SDC2: variants seen among roughly 807,000 people sequenced by gnomAD.
SDC2 encodes the protein syndecan-2.
A neutral mutation model predicts 22.2 loss-of-function variants in SDC2; 13 were observed. The observed-to-expected ratio is 0.59, with a 90% CI of 0.38 to 0.93. The LOEUF (loss-of-function observed/expected upper bound fraction) is 0.93, where lower values mean the gene tolerates loss of function less well. Among genes scored for constraint, SDC2 ranks in the 40% least tolerant of loss-of-function variants. The probability of loss-of-function intolerance (pLI) is 0.00; values close to 1 mark genes in which losing one functional copy is unlikely to be tolerated. For missense variants in SDC2, 235 were observed against 246.8 expected, an observed-to-expected ratio of 0.95 and a Z score of 0.32; for synonymous variants, 94 against 92.8, an observed-to-expected ratio of 1.01 and a Z score of -0.07.
chr8:96,550,084 A>G (rs1193117382), intron 1 of SDC2, among the ~76,000 whole-genome samples: 1 of 152,202 alleles, frequency 6.6e-6, no homozygotes, highest in Non-Finnish European at 1.5e-5. Context: ...TGGGAGCTCA[A>G]AATTTTTTCA....
At chr8:96,596,282 A>G (rs530018901) in intron 2 of SDC2, among the ~76,000 whole-genome samples, 2 of 152,220 alleles carry the variant, frequency 1.3e-5, no homozygotes, top group East Asian at 3.9e-4. Flanking sequence ...TTCTAGAATT[A>G]CCCAGTTCCA....
At position 96,609,365 on chromosome 8, in the gene SDC2, C is replaced by A. The variant is rs769819690; in HGVS notation, c.443-20C>A. On this transcript the variant is annotated intron_variant, in intron 4 of 4. Transcript: ENST00000302190. ...ACCCTTGAATCTCTTCTAAAGTAATCTTCCTTTTGGTTGTTTCAGCTGTCA... is the reference window on the plus strand; with the variant it reads ...ACCCTTGAATCTCTTCTAAAGTAATATTCCTTTTGGTTGTTTCAGCTGTCA... 8.1e-6 allele frequency: 13 copies of A among 1,599,644 alleles called. No homozygotes were observed. Among genetic ancestry groups the A allele is most frequent in the Non-Finnish European group, 1.1e-5 (13 of 1,172,466 alleles).
At chr8:96,596,973 C>T (rs547972714) in intron 2 of SDC2, among the ~76,000 whole-genome samples, 65 of 152,184 alleles carry the variant, frequency 4.3e-4, no homozygotes, top group African/African-American at 1.5e-3. Context: ...ATGTTAAACT[C>T]AGGATGATTG....
At chr8:96,536,243 G>A (rs980098701) in intron 1 of SDC2, among the ~76,000 whole-genome samples, 1 of 152,080 alleles carries the variant, frequency 6.6e-6, no homozygotes, top group Non-Finnish European at 1.5e-5. Flanking sequence ...AAGGGAGGCA[G>A]TGACGTGGGT....
At chr8:96,558,706 G>A (rs535658745) in intron 1 of SDC2, among the ~76,000 whole-genome samples, 1 of 152,238 alleles carries the variant, frequency 6.6e-6, no homozygotes, top group South Asian at 2.1e-4. Flanking sequence ...GCCCCAAAGA[G>A]GGGAATATAA....
chr8:96,573,144 T>C (rs1204052546), intron 1 of SDC2, among the ~76,000 whole-genome samples: 33 of 152,180 alleles, frequency 2.2e-4, no homozygotes, highest in Non-Finnish European at 7.3e-5. Flanking sequence ...ACAGTTTACA[T>C]GAACTATTTC....
At chr8:96,524,629 A>G (rs1385310517) in intron 1 of SDC2, among the ~76,000 whole-genome samples, 1 of 151,906 alleles carries the variant, frequency 6.6e-6, no homozygotes, top group Non-Finnish European at 1.5e-5. Flanking sequence ...TAGCTCCCCC[A>G]CTGCTACCTG....
chr8:96,528,406 G>A (rs1395283850), intron 1 of SDC2, among the ~76,000 whole-genome samples: 4 of 151,904 alleles, frequency 2.6e-5, no homozygotes, highest in Non-Finnish European at 5.9e-5. Flanking sequence ...AAAAACACAC[G>A]GTATTCATTG....
rs141036666 is a variant in SDC2 at position 96,530,361 on chromosome 8, C to T, written c.60+36030C>T. 3.2e-3 allele frequency among the ~76,000 whole-genome samples: 488 copies of T among 152,306 alleles called. 3 individuals carry two copies. Among genetic ancestry groups the T allele is most frequent in the African/African-American group, 0.011 (454 of 41,576 alleles). On this transcript the variant is annotated intron_variant, in intron 1 of 4. Transcript: ENST00000302190. ...TATTAAAATGGTGCTAGGCTGGGCG[C>T]GGTGGCTCACGCCTGTAATCCCAGC...
intron 1 of SDC2, among the ~76,000 whole-genome samples, chr8:96,564,927 A>C (rs1052120723): frequency 1.3e-5 from 2 of 151,910 alleles, no homozygotes; most frequent in African/African-American, 4.8e-5. Flanking sequence ...TACATTCTTC[A>C]CTTTGCTTCA....
At chr8:96,580,415 T>G in intron 1 of SDC2, 1 of 985,332 alleles carries the variant, frequency 1.0e-6, no homozygotes, top group African/African-American at 1.7e-5. Context: ...AACCGATAGC[T>G]CCCAAGCCTC....
intron 1 of SDC2, among the ~76,000 whole-genome samples, chr8:96,555,374 G>C (rs760821831): frequency 4.0e-4 from 61 of 152,114 alleles, no homozygotes; most frequent in Admixed American, 6.6e-4. Flanking sequence ...CCTATGTTCT[G>C]TTTAGTTCCA....
intron 1 of SDC2, among the ~76,000 whole-genome samples, chr8:96,554,896 G>GC (rs1196114176): frequency 6.6e-6 from 1 of 152,062 alleles, no homozygotes; most frequent in Non-Finnish European, 1.5e-5. Context: ...TTTCCTGTGG[G>GC]CCCAGCTCCT....
intron 2 of SDC2, among the ~76,000 whole-genome samples, chr8:96,600,294 T>C (rs1814956361): frequency 6.6e-6 from 1 of 152,228 alleles, no homozygotes; most frequent in Admixed American, 6.5e-5. Flanking sequence ...TATCAATGTG[T>C]TGTCCGAGGA....
chr8:96,517,783 G>C (rs200907974), intron 1 of SDC2, among the ~76,000 whole-genome samples: 1 of 127,756 alleles, frequency 7.8e-6, no homozygotes, highest in Non-Finnish European at 1.7e-5. Flanking sequence ...GTGTGTGTGT[G>C]TGTGTGTGTG....
At chr8:96,495,023 C>T (rs1305536495) in intron 1 of SDC2, among the ~76,000 whole-genome samples, 2 of 152,348 alleles carry the variant, frequency 1.3e-5, no homozygotes, top group Admixed American at 6.5e-5. Context: ...GATTCCCAGT[C>T]CTGCGGCGAC....
chr8:96,592,541 G>A (rs1814798643), intron 1 of SDC2, among the ~76,000 whole-genome samples: 1 of 152,098 alleles, frequency 6.6e-6, no homozygotes, highest in Non-Finnish European at 1.5e-5. Flanking sequence ...GATAATGGTA[G>A]TAAAATATCA....
intron 1 of SDC2, among the ~76,000 whole-genome samples, chr8:96,557,761 A>G (rs982086293): frequency 6.6e-6 from 1 of 152,164 alleles, no homozygotes; most frequent in Non-Finnish European, 1.5e-5. Flanking sequence ...TGGACCCTAA[A>G]ACTTAAAGTA....
chr8:96,606,792 G>T (rs754555003), intron 3 of SDC2, among the ~76,000 whole-genome samples: 10 of 152,178 alleles, frequency 6.6e-5, no homozygotes, highest in East Asian at 1.9e-4. Context: ...AATCCTGGGG[G>T]TTTAGTGAGG....
Sources: allele counts gnomAD v4.1 joint callset (sites outside exome capture counted in the v4.1 genomes callset), GRCh38; gene constraint gnomAD v4.1.1; transcripts MANE v1.5; gene names NCBI Gene and HGNC (gene_info 2026-07-23, HGNC 2026-07-21).